DPP6: variants seen among roughly 807,000 people sequenced by gnomAD.
DPP6 encodes dipeptidyl peptidase like 6, also known as A-type potassium channel modulatory protein DPP6.
A neutral mutation model predicts 122.6 loss-of-function variants in DPP6; 69 were observed. That is an observed-to-expected ratio of 0.56 (90% confidence interval 0.46 to 0.69). The LOEUF is 0.69. DPP6 is among the 30% of genes least tolerant of loss of function. The pLI is 0.00. For missense variants in DPP6, 928 were observed against 1,116.9 expected, an observed-to-expected ratio of 0.83 and a Z score of 2.41; for synonymous variants, 418 against 433.1, an observed-to-expected ratio of 0.97 and a Z score of 0.43.
intron 7 of DPP6, among the ~76,000 whole-genome samples, chr7:154,706,726 A>C (rs1378167655): frequency 6.6e-6 from 1 of 152,228 alleles, no homozygotes; most frequent in African/African-American, 2.4e-5. Flanking sequence ...TTAAAAGCAC[A>C]ATTTTATTTT....
At chr7:154,211,291 C>T (rs1039072575) in intron 1 of DPP6, among the ~76,000 whole-genome samples, 34 of 151,792 alleles carry the variant, frequency 2.2e-4, no homozygotes, top group Non-Finnish European at 5.9e-5. Context: ...AGGTACATGA[C>T]AGGAGGGAAC....
intron 8 of DPP6, among the ~76,000 whole-genome samples, chr7:154,736,777 C>T (rs1283810518): frequency 6.6e-6 from 1 of 152,212 alleles, no homozygotes. Flanking sequence ...TCTCTGAGTA[C>T]TTAATAAATG....
At chr7:153,958,898 C>G (rs1795204215) in intron 1 of DPP6, among the ~76,000 whole-genome samples, 1 of 151,784 alleles carries the variant, frequency 6.6e-6, no homozygotes, top group African/African-American at 2.4e-5. Flanking sequence ...TTGGCAAGCG[C>G]TTGGAACACA....
At chr7:154,194,405 A>G (rs926699761) in intron 1 of DPP6, among the ~76,000 whole-genome samples, 1 of 152,210 alleles carries the variant, frequency 6.6e-6, no homozygotes, top group South Asian at 2.1e-4. Context: ...CATACAACAA[A>G]TTGCACATAT....
At chr7:153,853,885 A>G in the DPP6 span, among the ~76,000 whole-genome samples, 1 of 150,452 alleles carries the variant, frequency 6.6e-6, no homozygotes, top group African/African-American at 2.5e-5. Flanking sequence ...TTTTGTTGCC[A>G]TTGCTTTTGG....
At chr7:154,169,911 A>G (rs1301798179) in intron 1 of DPP6, among the ~76,000 whole-genome samples, 1 of 152,044 alleles carries the variant, frequency 6.6e-6, no homozygotes, top group Non-Finnish European at 1.5e-5. Flanking sequence ...TTTAGTAGAG[A>G]TAGGGTTTCA....
At chr7:153,974,847 G>T (rs1796211237) in intron 1 of DPP6, among the ~76,000 whole-genome samples, 3 of 152,180 alleles carry the variant, frequency 2.0e-5, no homozygotes, top group Admixed American at 6.5e-5. Flanking sequence ...AGAGAGAGCA[G>T]CCCTGCATGC....
At chr7:154,462,806 C>T (rs1241152002) in intron 2 of DPP6, among the ~76,000 whole-genome samples, 1 of 131,150 alleles carries the variant, frequency 7.6e-6, no homozygotes, top group Non-Finnish European at 1.6e-5. Context: ...CCCCCTCCCC[C>T]CACCCCACAA....
At chr7:153,887,570 A>T in exon 1 of DPP6, 1 of 1,309,986 alleles carries the variant, frequency 7.6e-7, no homozygotes, top group Non-Finnish European at 1.1e-6. Flanking sequence ...TTTTTCCTTC[A>T]AAAACCCGTT....
intron 1 of DPP6, among the ~76,000 whole-genome samples, chr7:154,289,202 T>TA (rs1324185254): frequency 6.6e-6 from 1 of 152,034 alleles, no homozygotes; most frequent in Non-Finnish European, 1.5e-5. Flanking sequence ...AGGTTGAAAA[T>TA]AAAAAGCAGT....
At chr7:154,629,826 C>G (rs559078618) in intron 5 of DPP6, among the ~76,000 whole-genome samples, 4 of 152,264 alleles carry the variant, frequency 2.6e-5, no homozygotes, top group Non-Finnish European at 5.9e-5. Context: ...CTAATGCTGA[C>G]CAGACACCCA....
chr7:154,798,754 G>T (rs1798183925), intron 12 of DPP6, among the ~76,000 whole-genome samples: 1 of 152,202 alleles, frequency 6.6e-6, no homozygotes. Flanking sequence ...TCTGCAGGAA[G>T]ATTTAATTTC....
chr7:154,711,178 T>C (rs1841155221), intron 7 of DPP6, among the ~76,000 whole-genome samples: 2 of 152,210 alleles, frequency 1.3e-5, no homozygotes, highest in Admixed American at 1.3e-4. Context: ...TTTTAATTGA[T>C]ATAGAGAGAG....
chr7:153,837,198 A>G, the DPP6 span, among the ~76,000 whole-genome samples: 2 of 152,222 alleles, frequency 1.3e-5, no homozygotes, highest in African/African-American at 4.8e-5. Context: ...TTTCTTTCTC[A>G]AAGTATACAA....
At chr7:154,888,933 T>A (rs1306579310) in intron 23 of DPP6, among the ~76,000 whole-genome samples, 3 of 152,134 alleles carry the variant, frequency 2.0e-5, no homozygotes, top group Non-Finnish European at 2.9e-5. Flanking sequence ...CCTTATAAAG[T>A]CATCAGCTCT....
At chr7:153,855,363 A>T in the DPP6 span, among the ~76,000 whole-genome samples, 1 of 152,252 alleles carries the variant, frequency 6.6e-6, no homozygotes, top group Admixed American at 6.5e-5. Context: ...TTATACAAAC[A>T]AGGGAGCGGG....
rs112469683 is a variant in DPP6, at chr7:154,742,694, G to A, written c.883+14807G>A. ...TCTGTGGTTGTCCCACTGTCTCATC[G>A]TGCCACTGGGAGTTTCTGGCCTCCG... On this transcript the variant is annotated intron_variant, in intron 8 of 25. Coordinates refer to ENST00000377770, the MANE Select transcript of DPP6 (RefSeq NM_130797.4). Among the ~76,000 whole-genome samples, 1,177 of 152,338 alleles carry A rather than the reference G, an allele frequency of 7.7e-3. 15 individuals carry two copies. The highest frequency in any genetic ancestry group is 0.027 in the African/African-American group (1,116 of 41,592).
At chr7:154,566,089 G>A (rs573518663) in intron 4 of DPP6, among the ~76,000 whole-genome samples, 1 of 152,362 alleles carries the variant, frequency 6.6e-6, no homozygotes, top group East Asian at 1.9e-4. Flanking sequence ...GTACTGACTT[G>A]TAGGGATGAC....
chr7:154,060,636 G>A (rs1156571404), intron 1 of DPP6, among the ~76,000 whole-genome samples: 22 of 138,754 alleles, frequency 1.6e-4, no homozygotes, highest in East Asian at 4.3e-4. Context: ...CCCATCGCAG[G>A]AGGGGGAGGC....
Sources: allele counts gnomAD v4.1 joint callset (sites outside exome capture counted in the v4.1 genomes callset), GRCh38; gene constraint gnomAD v4.1.1; transcripts MANE v1.5; gene names NCBI Gene and HGNC (gene_info 2026-07-23, HGNC 2026-07-21).